DNER: variants seen among roughly 807,000 people sequenced by gnomAD.
The protein encoded by DNER is delta/notch like EGF repeat containing, also known as delta and Notch-like epidermal growth factor-related receptor.
Under a neutral mutation model 78.2 loss-of-function variants are expected in DNER, and 33 were observed. The observed-to-expected ratio is 0.42, with a 90% confidence interval of 0.32 to 0.56. The LOEUF (loss-of-function observed/expected upper bound fraction) is 0.56. DNER is among the 20% of genes least tolerant of loss of function. The pLI, the probability that DNER is intolerant of heterozygous loss-of-function variation, is 0.11. For missense variants in DNER, 918 were observed against 975.3 expected (o/e 0.94, Z 0.78); for synonymous variants, 417 against 384.8 (o/e 1.08, Z -0.98).
intron 4 of DNER, 44 bp downstream of exon 4, chr2:229,585,814 G>A (rs376102734): frequency 2.5e-6 from 4 of 1,608,826 alleles, no homozygotes; most frequent in African/African-American, 1.3e-5. Context: ...CCAAAGTTGG[G>A]TTGAATCAGA....
intron 6 of DNER, among the ~76,000 whole-genome samples, chr2:229,479,621 G>A (rs1051475042): frequency 8.6e-5 from 13 of 151,110 alleles, no homozygotes; most frequent in African/African-American, 1.2e-4. Flanking sequence ...GCTGAGGCAC[G>A]AGAGTCATTT....
At position 229,714,151 on chromosome 2, in the gene DNER, G is replaced by T. The variant is rs1214327191; in HGVS notation, c.273C>A (p.Cys91Ter). Residue 91 changes from cysteine (C) to a stop codon, truncating the protein, a stop_gained, in exon 1 of 13, where the codon TGC (cysteine) becomes TGA (stop). Transcript: ENST00000341772. LOFTEE classifies it high-confidence loss of function. ...CGCGCCCGCCGCTTCCACTCACCTG[G>T]CAGTTGGCGCCGGAGATCCCGGCGG... The part of the protein sequence containing the change: ...TCPAGISGAN[C>*]QLVADPCASN... 1.5e-6 allele frequency: 2 copies of T among 1,316,994 alleles called. No individual in the cohort carries two copies. The highest frequency in any genetic ancestry group is 9.7e-7 in the Non-Finnish European group (1 of 1,035,632). 81.6% of individuals were successfully genotyped at this position (1,316,994 alleles called of 1,614,324 possible).
chr2:229,493,101 A>T (rs1314995688), intron 6 of DNER, among the ~76,000 whole-genome samples: 1 of 152,194 alleles, frequency 6.6e-6, no homozygotes, highest in East Asian at 1.9e-4. Flanking sequence ...GACCCATTTC[A>T]AACCAACAAC....
chr2:229,390,158 A>T (rs912819623), intron 10 of DNER, among the ~76,000 whole-genome samples: 11 of 152,218 alleles, frequency 7.2e-5, no homozygotes, highest in African/African-American at 2.4e-4. Context: ...GTAATTGGAG[A>T]TATTTACTAA....
intron 7 of DNER, among the ~76,000 whole-genome samples, chr2:229,447,996 A>G (rs1694374627): frequency 6.6e-6 from 1 of 152,226 alleles, no homozygotes; most frequent in African/African-American, 2.4e-5. Context: ...CCTGAATTCA[A>G]AAAATTAAAA....
At chr2:229,453,920 TAAAAAAAAAA>T (rs10602558) in intron 7 of DNER, among the ~76,000 whole-genome samples, 3 of 106,864 alleles carry the variant, frequency 2.8e-5, no homozygotes, top group Non-Finnish European at 3.8e-5. Context: ...TAAAATATAT[TAAAAAAAAAA>T]AAAAAAAAAA....
intron 11 of DNER, among the ~76,000 whole-genome samples, chr2:229,387,812 T>C (rs1429906248): frequency 6.6e-6 from 1 of 152,138 alleles, no homozygotes; most frequent in African/African-American, 2.4e-5. Flanking sequence ...TAGAAGGAAC[T>C]TAATACATTT....
At chr2:229,410,931 C>G (rs546482047) in intron 9 of DNER, among the ~76,000 whole-genome samples, 29 of 152,352 alleles carry the variant, frequency 1.9e-4, no homozygotes, top group African/African-American at 5.5e-4. Flanking sequence ...CTTACTTCCT[C>G]TATGAAAACT....
At chr2:229,516,698 C>T (rs1178948992) in intron 5 of DNER, among the ~76,000 whole-genome samples, 2 of 150,336 alleles carry the variant, frequency 1.3e-5, no homozygotes, top group Non-Finnish European at 2.9e-5. Context: ...GGGAAGACGA[C>T]TGCATGACCC....
intron 1 of DNER, among the ~76,000 whole-genome samples, chr2:229,649,802 C>T (rs551754605): frequency 1.8e-4 from 28 of 152,136 alleles, no homozygotes; most frequent in Non-Finnish European, 3.4e-4. Flanking sequence ...TCCCCGGGTG[C>T]GGTGGCTCAC....
At chr2:229,426,811 C>T (rs1158963349) in intron 8 of DNER, among the ~76,000 whole-genome samples, 2 of 152,206 alleles carry the variant, frequency 1.3e-5, no homozygotes, top group Non-Finnish European at 2.9e-5. Context: ...GTTTTGATAA[C>T]TGCACAGGTT....
chr2:229,499,360 G>T (rs1394589327), intron 6 of DNER, among the ~76,000 whole-genome samples: 2 of 149,410 alleles, frequency 1.3e-5, no homozygotes, highest in African/African-American at 2.5e-5. Context: ...CAGGAGAATC[G>T]CTTGAACCCA....
At chr2:229,405,269 A>C in intron 10 of DNER, among the ~76,000 whole-genome samples, 1 of 152,226 alleles carries the variant, frequency 6.6e-6, no homozygotes, top group East Asian at 1.9e-4. Flanking sequence ...TGTCAAGACA[A>C]GGAAATAAAT....
chr2:229,686,527 G>A (rs373416739), intron 1 of DNER, among the ~76,000 whole-genome samples: 1 of 152,220 alleles, frequency 6.6e-6, no homozygotes, highest in African/African-American at 2.4e-5. Context: ...AGACTTTATG[G>A]GCTCACACCT....
At chr2:229,548,764 C>T (rs879709298) in intron 4 of DNER, among the ~76,000 whole-genome samples, 1 of 151,938 alleles carries the variant, frequency 6.6e-6, no homozygotes, top group Non-Finnish European at 1.5e-5. Context: ...AAAAAACAAA[C>T]AAACAAAAAA....
chr2:229,371,476 C>T (rs542565770), intron 11 of DNER, among the ~76,000 whole-genome samples: 30 of 152,332 alleles, frequency 2.0e-4, no homozygotes, highest in Non-Finnish European at 3.4e-4. Flanking sequence ...AAAAATGTCA[C>T]GCTTGTGAGT....
chr2:229,676,244 C>G (rs1239264620), intron 1 of DNER, among the ~76,000 whole-genome samples: 2 of 152,198 alleles, frequency 1.3e-5, no homozygotes, highest in Non-Finnish European at 2.9e-5. Flanking sequence ...AAGGAATACA[C>G]TGGTTGAGCG....
chr2:229,633,369 T>C (rs1698472870), intron 1 of DNER, among the ~76,000 whole-genome samples: 1 of 152,202 alleles, frequency 6.6e-6, no homozygotes, highest in Non-Finnish European at 1.5e-5. Context: ...ATTTTGAATA[T>C]CTCTAGGGAA....
chr2:229,589,077 T>A (rs565611588), intron 2 of DNER, among the ~76,000 whole-genome samples: 1 of 152,226 alleles, frequency 6.6e-6, no homozygotes, highest in Non-Finnish European at 1.5e-5. Flanking sequence ...GGATGTATAT[T>A]TTTTTAAAAA....
Sources: gnomAD v4.1 joint callset for allele counts (sites outside exome capture counted in the v4.1 genomes callset) on GRCh38, gnomAD v4.1.1 for gene constraint, MANE v1.5 for transcripts, NCBI Gene and HGNC (gene_info 2026-07-23, HGNC 2026-07-21) for gene names.